Variants in ERICH1 observed in about 807,000 individuals in gnomAD.
ERICH1 encodes glutamate rich 1.
A neutral mutation model predicts 39.6 loss-of-function variants in ERICH1; 56 were observed. The ratio of observed to expected loss-of-function variants is 1.41; its 90% CI spans 1.14 to 1.77. ERICH1 has a LOEUF of 1.77. Ranked by LOEUF, ERICH1 falls within the 40% of genes most tolerant of loss-of-function variation. ERICH1 has a pLI of 0.00. For missense variants in ERICH1, 826 were observed against 575.4 expected (o/e 1.44, Z -4.45); for synonymous variants, 313 against 223.6 (o/e 1.40, Z -3.57).
At chr8:724,921 T>A (rs1457545580) in intron 1 of ERICH1, among the ~76,000 whole-genome samples, 1 of 152,120 alleles carries the variant, frequency 6.6e-6, no homozygotes, top group African/African-American at 2.4e-5. Context: ...GAGCCACGGC[T>A]GCCCCATTGT....
intron 2 of ERICH1, among the ~76,000 whole-genome samples, chr8:711,790 C>T (rs1287037698): frequency 2.0e-5 from 3 of 152,196 alleles, no homozygotes; most frequent in African/African-American, 7.2e-5. Context: ...ATCCACCGCG[C>T]CCAGTCCAGA....
At chr8:647,487 C>G (rs4593520) in intron 3 of ERICH1, among the ~76,000 whole-genome samples, 46,271 of 66,412 alleles carry the variant, frequency 0.7, 22,090 homozygotes, top group African/African-American at 0.87. Context: ...TTTGTATGTA[C>G]GATAATTTAA....
chr8:692,895 C>T (rs1215131912), intron 2 of ERICH1, among the ~76,000 whole-genome samples: 1 of 152,150 alleles, frequency 6.6e-6, no homozygotes, highest in Non-Finnish European at 1.5e-5. Flanking sequence ...TTTTGTAACA[C>T]AATACAAAAA....
chr8:629,568 TCA>T (rs1797828091), intron 3 of ERICH1, among the ~76,000 whole-genome samples: 1 of 124,816 alleles, frequency 8.0e-6, no homozygotes, highest in South Asian at 2.5e-4. Flanking sequence ...CAGAGCTGAC[TCA>T]CACCCGCCGG....
chr8:708,716 CA>C (rs1266675743), intron 2 of ERICH1, among the ~76,000 whole-genome samples: 1 of 36,448 alleles, frequency 2.7e-5, no homozygotes, highest in Non-Finnish European at 5.9e-5. Flanking sequence ...TTTTTTGAGA[CA>C]GGGTCTCACT....
At position 673,972 on chromosome 8, in the gene ERICH1, T is replaced by G; in HGVS notation, c.380A>C (p.Asn127Thr). ...HKSKKKFKNP[N>T]NVLIEQAELE... ...TTCTGCTTGTTCTATAAGAACATTA[T>G]TGGGATTTTTAAATTTTTTCTTTGA... Residue 127 changes from asparagine to threonine, a missense_variant, in exon 4 of 6, where the codon AAT becomes ACT. Asn to Thr is a moderately conservative substitution (Grantham distance 65). Transcript: ENST00000262109. The G allele has an allele frequency of 6.3e-7, 1 of 1,591,954 alleles. No homozygotes were observed. Among genetic ancestry groups the G allele is most frequent in the Non-Finnish European group, 8.5e-7 (1 of 1,175,488 alleles).
intron 1 of ERICH1, among the ~76,000 whole-genome samples, chr8:729,642 G>A (rs886374364): frequency 6.6e-6 from 1 of 151,994 alleles, no homozygotes; most frequent in African/African-American, 2.4e-5. Context: ...ATAAACTTTT[G>A]GGATTTATTA....
At chr8:694,990 C>T (rs1809809200) in intron 2 of ERICH1, among the ~76,000 whole-genome samples, 1 of 152,156 alleles carries the variant, frequency 6.6e-6, no homozygotes, top group African/African-American at 2.4e-5. Context: ...CTGGACAAGT[C>T]ACAAGCACCA....
In ERICH1 at chr8:673,989, T is replaced by G. The variant is rs1432822438; in HGVS notation, c.363A>C (p.Lys121Asn). The change falls in exon 4 of 6, where the codon AAA becomes AAC. Residue 121 changes from lysine (K) to asparagine (N), a missense_variant. Physicochemically the swap from Lys to Asn is moderately conservative, Grantham distance 94. Transcript: ENST00000262109. ...RRRIRKHKSK[K>N]KFKNPNNVLI... ...GAACATTATTGGGATTTTTAAATTT[T>G]TTCTTTGATTTATGCTTCCTAATTC... The G allele has an allele frequency of 6.3e-7, 1 of 1,587,132 alleles. No homozygotes were observed. Among genetic ancestry groups the G allele is most frequent in the Admixed American group, 1.9e-5 (1 of 53,898 alleles).
intron 4 of ERICH1, 169 bp from the exon 5 acceptor site, chr8:668,961 A>C: frequency 1.5e-6 from 1 of 653,436 alleles, no homozygotes; most frequent in Non-Finnish European, 2.6e-6. Flanking sequence ...AGCTCAGCAC[A>C]AAATACCACT....
intron 2 of ERICH1, among the ~76,000 whole-genome samples, chr8:697,854 C>G (rs1045697335): frequency 1.4e-4 from 22 of 152,318 alleles, no homozygotes; most frequent in African/African-American, 4.6e-4. Flanking sequence ...GTGGGGTGAC[C>G]TGGGCTTGAG....
intron 1 of ERICH1, among the ~76,000 whole-genome samples, chr8:719,958 C>A (rs991035871): frequency 6.6e-6 from 1 of 152,046 alleles, no homozygotes; most frequent in African/African-American, 2.4e-5. Context: ...GCACACAAGG[C>A]CCTACAAGGT....
chr8:623,760 A>T (rs934998290), intron 3 of ERICH1, among the ~76,000 whole-genome samples: 1 of 152,224 alleles, frequency 6.6e-6, no homozygotes, highest in East Asian at 1.9e-4. Flanking sequence ...CTCAAAATGG[A>T]CCACAGACCT....
At chr8:661,901 G>GA (rs1219482045), downstream of ERICH1, among the ~76,000 whole-genome samples, 1 of 152,256 alleles carries the variant, frequency 6.6e-6, no homozygotes, top group South Asian at 2.1e-4. Context: ...TGGAACCCAG[G>GA]AAACGGCCAC....
chr8:665,293 C>T (rs774285157), intron 5 of ERICH1, among the ~76,000 whole-genome samples: 12 of 152,158 alleles, frequency 7.9e-5, no homozygotes, highest in South Asian at 2.1e-4. Context: ...CACTGGTCCC[C>T]GGCTCCAACC....
In ERICH1 at chr8:685,592, C is replaced by T. The variant is rs192603921; in HGVS notation, c.304+6886G>A. Among the ~76,000 whole-genome samples the T allele has an allele frequency of 3.4e-3, 520 of 152,280 alleles. 6 individuals carry two copies. The highest frequency in any genetic ancestry group is 0.01 in the Middle Eastern group (3 of 294). On this transcript the variant is annotated intron_variant, in intron 3 of 5. Transcript: ENST00000262109. ...GTTCAGAGATTGCAATAAAGACAGG[C>T]ATAAGAAATTATAAAAGTATTAATT...
At chr8:628,341 T>G (rs1797719328) in intron 3 of ERICH1, among the ~76,000 whole-genome samples, 1 of 152,218 alleles carries the variant, frequency 6.6e-6, no homozygotes, top group East Asian at 1.9e-4. Flanking sequence ...ACTACTTTAC[T>G]GGGAGTTTCT....
At chr8:639,985 A>G (rs1798808602) in intron 3 of ERICH1, among the ~76,000 whole-genome samples, 1 of 152,208 alleles carries the variant, frequency 6.6e-6, no homozygotes, top group African/African-American at 2.4e-5. Context: ...ATGCTCCCTA[A>G]AAGCTGCCGC....
At chr8:722,672 T>C (rs190145964) in intron 1 of ERICH1, among the ~76,000 whole-genome samples, 6 of 152,356 alleles carry the variant, frequency 3.9e-5, no homozygotes, top group Admixed American at 6.5e-5. Flanking sequence ...ATTAAAATAA[T>C]GATCATTCGT....
Sources: gnomAD v4.1 joint callset for allele counts (sites outside exome capture counted in the v4.1 genomes callset) on GRCh38, gnomAD v4.1.1 for gene constraint, MANE v1.5 for transcripts, NCBI Gene and HGNC (gene_info 2026-07-23, HGNC 2026-07-21) for gene names.